The following PLXND1 variants were observed in gnomAD, a reference collection of about 807,000 sequenced individuals.
PLXND1 encodes the protein plexin D1, also known as plexin-D1.
Under a neutral mutation model 197.7 loss-of-function variants are expected in PLXND1, and 54 were observed. The observed-to-expected ratio is 0.27, with a 90% CI of 0.22 to 0.34. The LOEUF is 0.34. Ranked by LOEUF, PLXND1 falls within the 10% of genes least tolerant of loss-of-function variation. PLXND1 has a pLI of 1.00. For missense variants in PLXND1, 2,127 were observed against 2,699.2 expected (o/e 0.79, Z 4.70); for synonymous variants, 1,180 against 1,161.2 (o/e 1.02, Z -0.33).
intron 1 of PLXND1, among the ~76,000 whole-genome samples, chr3:129,599,292 C>T (rs571155661): frequency 6.6e-6 from 1 of 152,336 alleles, no homozygotes; most frequent in Non-Finnish European, 1.5e-5. Context: ...TGCTGAATGC[C>T]GCCAGGCCAC....
intron 29 of PLXND1, among the ~76,000 whole-genome samples, chr3:129,561,367 C>T (rs556741361): frequency 6.6e-6 from 1 of 152,334 alleles, no homozygotes; most frequent in East Asian, 1.9e-4. Context: ...TGCTGGCCCC[C>T]CTTCTGGCCT....
intron 20 of PLXND1, 27 bp from the exon 21 acceptor site, chr3:129,567,832 G>C: frequency 7.2e-7 from 1 of 1,386,414 alleles, no homozygotes; most frequent in Non-Finnish European, 1.0e-6. Context: ...GGCAGGTCAG[G>C]CCTCTGGTGC....
chr3:129,590,366 G>C (rs991907688), intron 1 of PLXND1, among the ~76,000 whole-genome samples: 1 of 152,118 alleles, frequency 6.6e-6, no homozygotes, highest in Admixed American at 6.5e-5. Context: ...TATGTTCAAA[G>C]GTTCCTGGTG....
rs2085163572 is a variant in PLXND1 at position 129,567,754 on chromosome 3, T to C, written c.3917A>G (p.Lys1306Arg). The change falls in exon 21 of 36, where the codon AAG (lysine) becomes AGG (arginine). Residue 1306 changes from lysine to arginine, a missense_variant. Lys to Arg is a conservative substitution (Grantham distance 26). Around this residue, in one of 6 missense-constraint regions of PLXND1, gnomAD observed 532 missense variants for 811.0 expected, o/e 0.66. Transcript: ENST00000324093. Reference protein sequence around the residue: ...KSRRAERYWQKTLLQMEEMES... With the variant: ...KSRRAERYWQRTLLQMEEMES... ...CATCTCCTCCATCTGCAGCAGCGTC[T>C]TCTGCCAGTAACGCTCAGCACGTCG... is the stretch of plus-strand genomic sequence containing the variant. 1.2e-6 allele frequency: 2 copies of C among 1,613,662 alleles called. No homozygotes were observed. The highest frequency in any genetic ancestry group is 1.7e-6 in the Non-Finnish European group (2 of 1,179,556).
intron 31 of PLXND1, 33 bp from the exon 32 acceptor site, chr3:129,559,816 C>T (rs759272271): frequency 1.5e-5 from 24 of 1,553,802 alleles, no homozygotes; most frequent in South Asian, 1.5e-4. Flanking sequence ...CCGTCAGCCC[C>T]GGGCCACGTG....
rs200993273 is a variant in PLXND1 at position 129,559,612 on chromosome 3, C to A, written c.5297+8G>T. 4 of 1,589,658 alleles carry A rather than the reference C, an allele frequency of 2.5e-6. No homozygotes were observed. The highest frequency in any genetic ancestry group is 1.7e-5 in the Admixed American group (1 of 58,352). On this transcript the variant is annotated splice_region_variant and intron_variant, in intron 32 of 35. Coordinates refer to ENST00000324093, the MANE Select transcript of PLXND1 (RefSeq NM_015103.3). ...CAGTGAAGTCCACACGGCCCCCCCA[C>A]CCGCCACCTGTTGGTCTTCCAGATG...
intron 24 of PLXND1, 116 bp downstream of exon 24, chr3:129,565,771 A>G (rs1321713751): frequency 1.7e-6 from 2 of 1,149,316 alleles, no homozygotes; most frequent in African/African-American, 1.5e-5. Flanking sequence ...CGGCCCAGGA[A>G]GGGCTGGAAT....
At chr3:129,602,497 A>G (rs936364158) in intron 1 of PLXND1, among the ~76,000 whole-genome samples, 4 of 152,198 alleles carry the variant, frequency 2.6e-5, no homozygotes, top group Non-Finnish European at 4.4e-5. Flanking sequence ...TGCCCTGTGT[A>G]TAAGGGCCTG....
intron 1 of PLXND1, among the ~76,000 whole-genome samples, chr3:129,599,327 A>T (rs1270639397): frequency 1.3e-5 from 2 of 152,290 alleles, no homozygotes; most frequent in African/African-American, 4.8e-5. Flanking sequence ...CGCTCAGCCC[A>T]CTTTATAGAT....
Position 129,606,587 on chromosome 3 carries a change from G to T in PLXND1, c.53C>A (p.Ala18Asp). 8.2e-7 allele frequency: 1 copy of T among 1,220,364 alleles called. No homozygotes were observed. Among genetic ancestry groups the T allele is most frequent in the Admixed American group, 4.4e-5 (1 of 22,988 alleles). 75.6% of individuals were successfully genotyped at this position (1,220,364 alleles called of 1,614,324 possible). The part of the protein sequence containing the change: ...GAPLSARAAA[A>D]SPPPFQTPPR... ...CGGCGTCTGGAACGGCGGGGGGCTG[G>T]CGGCGGCGGCCCGGGCGCTAAGGGG... Residue 18 changes from alanine (A) to aspartate (D), a missense_variant, in exon 1 of 36, where the codon GCC (alanine) becomes GAC (aspartate). Coordinates refer to ENST00000324093, the MANE Select transcript of PLXND1 (RefSeq NM_015103.3).
intron 1 of PLXND1, among the ~76,000 whole-genome samples, chr3:129,598,544 C>T (rs942621499): frequency 6.6e-6 from 1 of 152,098 alleles, no homozygotes; most frequent in Non-Finnish European, 1.5e-5. Context: ...AGCAGGAGTC[C>T]ACACCAGGGG....
At chr3:129,566,476 A>G (rs2085142609) in intron 23 of PLXND1, 51 bp downstream of exon 23, 4 of 1,079,954 alleles carry the variant, frequency 3.7e-6, no homozygotes, top group Non-Finnish European at 5.8e-6. Context: ...CCCAGGGGGG[A>G]GCAGGGTTGC....
In PLXND1 at chr3:129,605,606, C is replaced by T; in HGVS notation, c.1034G>A (p.Cys345Tyr). The T allele has an allele frequency of 6.5e-7, 1 of 1,533,142 alleles. No individual in the cohort carries two copies. 95.0% of individuals were successfully genotyped at this position (1,533,142 alleles called of 1,614,324 possible). Residue 345 changes from cysteine (C) to tyrosine (Y), a missense_variant, in exon 1 of 36, where the codon TGC (cysteine) becomes TAC (tyrosine). Cys to Tyr is a radical substitution (Grantham distance 194, BLOSUM62 -2). Coordinates refer to ENST00000324093, the MANE Select transcript of PLXND1 (RefSeq NM_015103.3). The part of the protein sequence containing the change: ...TESYIQLGLQ[C>Y]AGGAGRGDLY... ...GTCGCCGCGGCCCGCGCCGCCCGCG[C>T]ACTGCAAGCCCAACTGGATGTAGGA... is the stretch of plus-strand genomic sequence containing the variant.
chr3:129,576,702 G>C (rs1382904701), intron 9 of PLXND1, among the ~76,000 whole-genome samples: 1 of 152,200 alleles, frequency 6.6e-6, no homozygotes, highest in Non-Finnish European at 1.5e-5. Context: ...CCCCTTCTCT[G>C]AGGCTTGGTT....
chr3:129,562,759 C>G (rs746080056), intron 27 of PLXND1, 28 bp downstream of exon 27: 1 of 1,575,306 alleles, frequency 6.3e-7, no homozygotes, highest in Non-Finnish European at 8.7e-7. Flanking sequence ...GCGCCTGACA[C>G]GGGGTCTCTG....
At chr3:129,589,561 C>T (rs2085508136) in intron 1 of PLXND1, 34 bp from the exon 2 acceptor site, 2 of 1,517,488 alleles carry the variant, frequency 1.3e-6, no homozygotes. Context: ...ATCCCAGCTC[C>T]AGAACCTTCT....
chr3:129,565,345 G>A lies in PLXND1; in HGVS notation c.4516C>T (p.Leu1506=), dbSNP rs1216631026. The change falls in exon 25 of 36, where the codon CTG becomes TTG. Residue 1506 remains leucine, a synonymous_variant. Coordinates refer to ENST00000324093, the MANE Select transcript of PLXND1 (RefSeq NM_015103.3). ...CTGTCCCCAGGCAGCCTCACCCGCA[G>A]ACAGCTGTACATGCAGATGGACATC... ...NWMSICMYSC[L]RETVGEPFFL... is the part of the protein sequence containing the mutation. 11 of 1,613,578 alleles carry A rather than the reference G, an allele frequency of 6.8e-6. No homozygotes were observed. The highest frequency in any genetic ancestry group is 9.3e-6 in the Non-Finnish European group (11 of 1,179,642).
rs371440689 is a variant in PLXND1 at position 129,557,218 on chromosome 3, C to T, written c.5451G>A (p.Ser1817=). The change falls in exon 34 of 36, where the codon TCG becomes TCA. Residue 1817 remains serine, a synonymous_variant. Coordinates refer to ENST00000324093, the MANE Select transcript of PLXND1 (RefSeq NM_015103.3). The surrounding 1 kb of genome is among the most constrained non-coding windows in gnomAD (Gnocchi z 4.8). ...SISDLQLGKD[S]PTNKLLYAKE... is the part of the protein sequence containing the mutation. ...TGGCGTAGAGGAGCTTGTTGGTTGG[C>T]GAATCCTGGGCAGAGAAGAGCGAGG... The T allele has an allele frequency of 2.4e-5, 39 of 1,614,032 alleles. No individual in the cohort carries two copies. In the African/African-American group the frequency reaches 3.5e-4, roughly 14 times the overall value.
At chr3:129,598,378 T>C (rs2085658189) in intron 1 of PLXND1, among the ~76,000 whole-genome samples, 1 of 151,980 alleles carries the variant, frequency 6.6e-6, no homozygotes, top group Admixed American at 6.5e-5. Flanking sequence ...AGGGTCCAAT[T>C]TGTCTCTCTT....
Sources: allele counts gnomAD v4.1 joint callset (sites outside exome capture counted in the v4.1 genomes callset), GRCh38; gene constraint gnomAD v4.1.1; regional missense constraint gnomAD v4.1.1; non-coding constraint Gnocchi (gnomAD v3.1); transcripts MANE v1.5; gene names NCBI Gene and HGNC (gene_info 2026-07-23, HGNC 2026-07-21).